CYP4F11: variants seen among roughly 807,000 people sequenced by gnomAD.
CYP4F11 encodes cytochrome P450 family 4 subfamily F member 11.
A neutral mutation model predicts 62.2 loss-of-function variants in CYP4F11; 79 were observed. That is an observed-to-expected ratio of 1.27 (90% CI 1.06 to 1.53). The LOEUF is 1.53. Among genes scored for constraint, CYP4F11 ranks in the 40% most tolerant of loss-of-function variants. CYP4F11 has a pLI of 0.00. For synonymous variants in CYP4F11, 290 were observed against 263.7 expected (o/e 1.10, Z -0.97); for missense variants, 777 against 680.5 (o/e 1.14, Z -1.58).
At chr19:15,914,487 C>T in intron 10 of CYP4F11, 100 bp from the exon 11 acceptor site, 1 of 1,545,086 alleles carries the variant, frequency 6.5e-7, no homozygotes, top group Non-Finnish European at 8.9e-7. Flanking sequence ...GACATTTTGG[C>T]AGATGTGTCT....
Position 15,927,266 on chromosome 19 carries a change from G to A in CYP4F11, c.471C>T (p.Phe157=). The part of the protein sequence containing the change: ...HRRMLTPAFH[F]NILKPYMKIF... ...TCTTCATATAAGGCTTCAAGATGTT[G>A]AAATGGAAGGCAGGCGTCAACATCC... The change falls in exon 4 of 12, where the codon TTC becomes TTT. Residue 157 remains phenylalanine (F), a synonymous_variant. Coordinates refer to ENST00000402119, the MANE Select transcript of CYP4F11 (RefSeq NM_021187.4). The A allele has an allele frequency of 6.2e-7, 1 of 1,614,148 alleles. No homozygotes were observed. Among genetic ancestry groups the A allele is most frequent in the Non-Finnish European group, 8.5e-7 (1 of 1,180,028 alleles).
At chr19:15,925,089 G>C (rs1349220118) in intron 4 of CYP4F11, among the ~76,000 whole-genome samples, 1 of 152,266 alleles carries the variant, frequency 6.6e-6, no homozygotes, top group East Asian at 1.9e-4. Context: ...AGAGATCTGG[G>C]TTCAAGTCCC....
intron 8 of CYP4F11, among the ~76,000 whole-genome samples, chr19:15,921,054 G>GTC (rs60842401): frequency 1.1e-3 from 137 of 122,376 alleles, no homozygotes; most frequent in Non-Finnish European, 1.8e-3. Flanking sequence ...CTCTCTTTCT[G>GTC]TCTCTCTCTC....
chr19:15,923,383 T>C (rs2089644157), intron 6 of CYP4F11, among the ~76,000 whole-genome samples: 1 of 151,946 alleles, frequency 6.6e-6, no homozygotes. Context: ...CTCTCTGCAG[T>C]GCATTCTGGT....
chr19:15,934,109 C>T, intron 1 of CYP4F11, 102 bp downstream of exon 1: 1 of 1,278,224 alleles, frequency 7.8e-7, no homozygotes, highest in Non-Finnish European at 1.1e-6. Flanking sequence ...TGTGTTCCCA[C>T]ACCCCAGCCA....
At chr19:15,928,380 G>A (rs2048371288) in intron 2 of CYP4F11, among the ~76,000 whole-genome samples, 1 of 152,206 alleles carries the variant, frequency 6.6e-6, no homozygotes, top group African/African-American at 2.4e-5. Context: ...AGAAAGGTGG[G>A]CTTTCTGATT....
In CYP4F11 at chr19:15,914,316, C is replaced by T. The variant is rs945094748; in HGVS notation, c.1386G>A (p.Ser462=). The change falls in exon 11 of 12, where the codon TCG becomes TCA. Residue 462 remains serine (S), a synonymous_variant. Coordinates refer to ENST00000402119, the MANE Select transcript of CYP4F11 (RefSeq NM_021187.4). ...ERSPLAFIPF[S]AGPRNCIGQA... ...CAGGCCATCCTTACCTGGGCCCTGC[C>T]GAGAAGGGAATAAAAGCCAGAGGTG... The T allele has an allele frequency of 1.3e-5, 21 of 1,613,976 alleles. No homozygotes were observed. The highest frequency in any genetic ancestry group is 2.2e-5 in the East Asian group (1 of 44,856).
Position 15,917,758 on chromosome 19 carries a change from A to G in CYP4F11, c.1116-2863T>C, listed in dbSNP as rs187587480. On this transcript the variant is annotated intron_variant, in intron 8 of 11. Coordinates refer to ENST00000402119, the MANE Select transcript of CYP4F11 (RefSeq NM_021187.4). ...GAAAATAACCCAAAGGAAAACAGCAATGTAAGATGATCTCTTCCACAAAAA... is the reference window on the plus strand; with the variant it reads ...GAAAATAACCCAAAGGAAAACAGCAGTGTAAGATGATCTCTTCCACAAAAA... Among the ~76,000 whole-genome samples the G allele has an allele frequency of 5.9e-5, 9 of 152,268 alleles. No homozygotes were observed. In the East Asian group the frequency reaches 1.4e-3, roughly 23 times the overall value.
At chr19:15,919,727 G>C (rs1038555688) in intron 8 of CYP4F11, among the ~76,000 whole-genome samples, 19 of 152,302 alleles carry the variant, frequency 1.2e-4, no homozygotes, top group African/African-American at 4.3e-4. Flanking sequence ...ATGCAAAATA[G>C]AATGGTACTC....
intron 1 of CYP4F11, 130 bp downstream of exon 1, chr19:15,934,081 C>CGGGGAGAGGAATGAG (rs2089755376): frequency 1.2e-6 from 1 of 821,470 alleles, no homozygotes; most frequent in Non-Finnish European, 1.9e-6. Context: ...AATGAGTGAG[C>CGGGGAGAGGAATGAG]TGCCTCCCTC....
rs1221651553 is a variant in CYP4F11, at chr19:15,934,321, GC to G, written c.87del (p.Trp29CysfsTer46). 6.2e-7 allele frequency: 1 copy of G among 1,613,204 alleles called. No homozygotes were observed. The highest frequency in any genetic ancestry group is 1.3e-5 in the African/African-American group (1 of 74,778). On this transcript the variant is annotated frameshift_variant, in exon 1 of 12. Coordinates refer to ENST00000402119, the MANE Select transcript of CYP4F11 (RefSeq NM_021187.4). LOFTEE classifies it high-confidence loss of function. ...GTCCAGGCCAGGACGCGGGCCAGGA[GC>G]CAGGAGCCTCCAACCAGCAGCAGAA... The part of the protein sequence containing the change: ...WLLLLLVGGS[W>X]LLARVLAWTY...
intron 8 of CYP4F11, among the ~76,000 whole-genome samples, chr19:15,918,972 G>A (rs935862566): frequency 1.3e-5 from 2 of 150,354 alleles, no homozygotes; most frequent in African/African-American, 4.9e-5. Flanking sequence ...ACTGTCGAGT[G>A]GCAAAAATAA....
Position 15,913,489 on chromosome 19 carries a change from G to A in CYP4F11, c.*243C>T, listed in dbSNP as rs2089553986. 3 of 541,258 alleles carry A rather than the reference G, an allele frequency of 5.5e-6. No individual in the cohort carries two copies. The African/African-American group carries it at 5.7e-5, about 10-fold the overall frequency. The allele number at this position is 541,258 out of a possible 1,614,324, so 33.5% of individuals were successfully genotyped here. A position where few individuals can be genotyped will look rare whatever the true frequency, so the allele number is the denominator to read the frequency against. On this transcript the variant is annotated 3_prime_UTR_variant, in exon 12 of 12. Transcript: ENST00000402119. ...TCCCAGGGCTCCCTACTGCCCACAG[G>A]ATAAAGTTTTTACTTGGGCTCTGGG...
At chr19:15,921,471 AG>A (rs1223103437) in intron 8 of CYP4F11, among the ~76,000 whole-genome samples, 1 of 152,168 alleles carries the variant, frequency 6.6e-6, no homozygotes, top group Middle Eastern at 3.2e-3. Flanking sequence ...TTCCCCCACC[AG>A]GCTGGGAGCA....
chr19:15,920,997 C>G (rs906115009), intron 8 of CYP4F11, among the ~76,000 whole-genome samples: 1 of 151,140 alleles, frequency 6.6e-6, no homozygotes, highest in Non-Finnish European at 1.5e-5. Context: ...TCCCTCTTTT[C>G]TTTCTCTTCT....
chr19:15,929,055 C>T (rs1472990811), intron 2 of CYP4F11, among the ~76,000 whole-genome samples: 1 of 152,242 alleles, frequency 6.6e-6, no homozygotes, highest in Non-Finnish European at 1.5e-5. Context: ...AGCAACTCCT[C>T]CTCCAGGAAG....
Position 15,914,896 on chromosome 19 carries a change from C to T in CYP4F11, c.1116-1G>A. 6.2e-7 allele frequency: 1 copy of T among 1,614,082 alleles called. No individual in the cohort carries two copies. The highest frequency in any genetic ancestry group is 1.1e-5 in the South Asian group (1 of 91,078). ...GAAGGGCAGCTGGGCCAGGTCGTCC[C>T]TAAGAAAACACCCCAGCCCCAATCA... is the stretch of plus-strand genomic sequence containing the variant. On this transcript the variant is annotated splice_acceptor_variant, in intron 8 of 11. Coordinates refer to ENST00000402119, the MANE Select transcript of CYP4F11 (RefSeq NM_021187.4). LOFTEE classifies it high-confidence loss of function.
intron 10 of CYP4F11, 106 bp downstream of exon 10, chr19:15,914,496 C>T: frequency 3.2e-6 from 5 of 1,552,378 alleles, no homozygotes; most frequent in Non-Finnish European, 4.4e-6. Flanking sequence ...GCAGATGTGT[C>T]TCCATTGAGG....
rs778738847 is a variant in CYP4F11 at position 15,914,625 on chromosome 19, G to A, written c.1291C>T (p.Pro431Ser). Reference protein sequence around the residue: ...LINIIGIHYNPTVWPDPEVYD... With the variant: ...LINIIGIHYNSTVWPDPEVYD... ...ACCTCAGGGTCTGGCCACACAGTTG[G>A]GTTGTAATGGATCCCGATAATATTG... The change falls in exon 10 of 12, where the codon CCA becomes TCA. Residue 431 changes from proline to serine, a missense_variant. Coordinates refer to ENST00000402119, the MANE Select transcript of CYP4F11 (RefSeq NM_021187.4). 5 of 1,614,184 alleles carry A rather than the reference G, an allele frequency of 3.1e-6. No homozygotes were observed. The highest frequency in any genetic ancestry group is 1.3e-5 in the African/African-American group (1 of 75,048).
Sources: allele counts gnomAD v4.1 joint callset (sites outside exome capture counted in the v4.1 genomes callset), GRCh38; gene constraint gnomAD v4.1.1; transcripts MANE v1.5; gene names NCBI Gene and HGNC (gene_info 2026-07-23, HGNC 2026-07-21).